ZNF282: variants seen among roughly 807,000 people sequenced by gnomAD.
The protein encoded by ZNF282 is zinc finger protein 282, also known as HTLV-I U5 repressive element-binding protein 1.
Under a neutral mutation model 61.9 loss-of-function variants are expected in ZNF282, and 30 were observed. The observed-to-expected ratio is 0.48, with a 90% confidence interval of 0.36 to 0.66. The LOEUF (loss-of-function observed/expected upper bound fraction) is 0.66, where lower values mean the gene tolerates loss of function less well. ZNF282 is among the 30% of genes least tolerant of loss of function. ZNF282 has a pLI of 0.00. For synonymous variants in ZNF282, 396 were observed against 405.0 expected (o/e 0.98, Z 0.27); for missense variants, 788 against 941.4 (o/e 0.84, Z 2.13).
chr7:149,222,115 A>T (rs957144546), intron 7 of ZNF282, among the ~76,000 whole-genome samples: 3 of 152,098 alleles, frequency 2.0e-5, no homozygotes, highest in Non-Finnish European at 4.4e-5. Context: ...GCCTGACGTC[A>T]CCATTCTGAT....
In ZNF282 at chr7:149,223,902, A is replaced by G; in HGVS notation, c.1271A>G (p.Gln424Arg). 1 of 1,391,356 alleles carries G rather than the reference A, an allele frequency of 7.2e-7. No homozygotes were observed. The highest frequency in any genetic ancestry group is 9.3e-7 in the Non-Finnish European group (1 of 1,076,742). The allele number at this position is 1,391,356 out of a possible 1,614,324, so 86.2% of individuals were successfully genotyped here. A position where few individuals can be genotyped will look rare whatever the true frequency, so the allele number is the denominator to read the frequency against. The change falls in exon 8 of 8, where the codon CAG becomes CGG. Residue 424 changes from glutamine to arginine, a missense_variant. By Grantham distance (43) the Gln-to-Arg change is conservative (BLOSUM62 1). This residue lies in a region of ZNF282 where 559 missense variants were observed against 642.0 expected (regional missense o/e 0.87). Transcript: ENST00000610704. ...PQPPQPQLQS[Q>R]PQPQSLPPIA... ...CCACCGCAGCCGCAGCTGCAGTCGCAGCCCCAGCCCCAGAGCCTGCCCCCC... is the reference window on the plus strand; with the variant it reads ...CCACCGCAGCCGCAGCTGCAGTCGCGGCCCCAGCCCCAGAGCCTGCCCCCC...
At chr7:149,201,403 C>T (rs1231671139) in intron 2 of ZNF282, among the ~76,000 whole-genome samples, 2 of 152,196 alleles carry the variant, frequency 1.3e-5, no homozygotes, top group Non-Finnish European at 2.9e-5. Flanking sequence ...TATCTCAACA[C>T]AGCAGCCAGA....
rs1353006447 is a variant in ZNF282, at chr7:149,224,056, C to T, written c.1425C>T (p.Gly475=). Residue 475 remains glycine, a synonymous_variant, in exon 8 of 8, where the codon GGC becomes GGT. Transcript: ENST00000610704. ...PPGGDRSTGG[G]GGDGGGGGGG... is the part of the protein sequence containing the mutation. ...GTGGGGACCGCAGCACCGGGGGCGG[C>T]GGGGGCGATGGGGGCGGTGGGGGCG... is the stretch of plus-strand genomic sequence containing the variant. 1.2e-5 allele frequency: 11 copies of T among 934,464 alleles called. No homozygotes were observed. Among genetic ancestry groups the T allele is most frequent in the Non-Finnish European group, 1.5e-5 (11 of 735,556 alleles). 57.9% of individuals were successfully genotyped at this position (934,464 alleles called of 1,614,324 possible).
At chr7:149,197,875 C>T (rs1323215966) in intron 1 of ZNF282, among the ~76,000 whole-genome samples, 1 of 152,234 alleles carries the variant, frequency 6.6e-6, no homozygotes, top group Non-Finnish European at 1.5e-5. Context: ...GTTTCATCAT[C>T]TTTAAGGCAG....
rs577852170 is a variant in ZNF282 at position 149,198,211 on chromosome 7, C to T, written c.166-122C>T. On this transcript the variant is annotated intron_variant, in intron 1 of 7. Transcript: ENST00000610704. This position sits in a 1 kb window ranked among gnomAD's most constrained non-coding sequence, Gnocchi z 4.3. ...GGGGGTGTTAGTGTATCCTGAGTTACGGGGGCCTGGCAGAAGAAAGACGAC... is the reference window on the plus strand; with the variant it reads ...GGGGGTGTTAGTGTATCCTGAGTTATGGGGGCCTGGCAGAAGAAAGACGAC... The T allele has an allele frequency of 2.7e-5, 32 of 1,195,450 alleles. No homozygotes were observed. In the African/African-American group the frequency reaches 4.1e-4, roughly 15 times the overall value. The allele number at this position is 1,195,450 out of a possible 1,614,324, so 74.1% of individuals were successfully genotyped here. A position where few individuals can be genotyped will look rare whatever the true frequency, so the allele number is the denominator to read the frequency against.
chr7:149,223,803 T>C lies in ZNF282; in HGVS notation c.1181-9T>C. The C allele has an allele frequency of 1.3e-6, 2 of 1,484,738 alleles. No homozygotes were observed. Among genetic ancestry groups the C allele is most frequent in the East Asian group, 2.8e-5 (1 of 36,270 alleles). The allele number at this position is 1,484,738 out of a possible 1,614,324, so 92.0% of individuals were successfully genotyped here. A position where few individuals can be genotyped will look rare whatever the true frequency, so the allele number is the denominator to read the frequency against. On this transcript the variant is annotated splice_polypyrimidine_tract_variant and intron_variant, in intron 7 of 7. Coordinates refer to ENST00000610704, the MANE Select transcript of ZNF282 (RefSeq NM_003575.4). The stretch of plus-strand genomic sequence containing the variant: ...CCTGTCAGCATGTCACTTCTTCCTA[T>C]CTCCCCAGGTGACAGCCTGCTGATG...
At chr7:149,221,092 G>GT (rs1456482399) in intron 7 of ZNF282, among the ~76,000 whole-genome samples, 1 of 152,064 alleles carries the variant, frequency 6.6e-6, no homozygotes, top group Non-Finnish European at 1.5e-5. Flanking sequence ...ATTTTTAAAT[G>GT]TTTTTTTGTA....
rs112323239 is a variant in ZNF282 at position 149,210,606 on chromosome 7, C to T, written c.854C>T (p.Ala285Val). 2.3e-5 allele frequency: 37 copies of T among 1,611,862 alleles called. 1 individual carries two copies. The highest frequency in any genetic ancestry group is 8.0e-5 in the African/African-American group (6 of 75,050). Residue 285 changes from alanine (A) to valine (V), a missense_variant, in exon 5 of 8, where the codon GCG becomes GTG. Coordinates refer to ENST00000610704, the MANE Select transcript of ZNF282 (RefSeq NM_003575.4). ...PEAGAEPLVP[A>V]QDASSQVKRE... is the part of the protein sequence containing the mutation. ...CCAGGAGCAGAGCCCCTGGTGCCTGCGCAGGATGCGTCCTCCCAGGTGAAG... is the reference window on the plus strand; with the variant it reads ...CCAGGAGCAGAGCCCCTGGTGCCTGTGCAGGATGCGTCCTCCCAGGTGAAG...
At chr7:149,210,458 C>A (rs1429537883) in intron 4 of ZNF282, 127 bp from the exon 5 acceptor site, 2 of 1,493,786 alleles carry the variant, frequency 1.3e-6, no homozygotes, top group Non-Finnish European at 1.8e-6. Flanking sequence ...CTTCTGAGCC[C>A]AGAATGTCCT....
chr7:149,210,284 T>C (rs1435382731), intron 4 of ZNF282, among the ~76,000 whole-genome samples: 2 of 152,160 alleles, frequency 1.3e-5, no homozygotes, highest in Non-Finnish European at 2.9e-5. Context: ...TTCTGAATTC[T>C]CTCTTCAGTG....
At chr7:149,218,110 A>G (rs928477891) in intron 7 of ZNF282, among the ~76,000 whole-genome samples, 3 of 151,108 alleles carry the variant, frequency 2.0e-5, no homozygotes, top group African/African-American at 7.4e-5. Flanking sequence ...CTCAGAAAAA[A>G]AAAAAAAAAA....
rs1292573417 is a variant in ZNF282, at chr7:149,198,659, G to A, written c.492G>A (p.Leu164=). 5 of 1,613,954 alleles carry A rather than the reference G, an allele frequency of 3.1e-6. No individual in the cohort carries two copies. In the African/African-American group the frequency reaches 6.7e-5, roughly 22 times the overall value. The change falls in exon 2 of 8, where the codon CTG becomes CTA. Residue 164 remains leucine (L), a synonymous_variant. Coordinates refer to ENST00000610704, the MANE Select transcript of ZNF282 (RefSeq NM_003575.4). This position sits in a 1 kb window ranked among gnomAD's most constrained non-coding sequence, Gnocchi z 4.3. The part of the protein sequence containing the change: ...LGTLLQEYGL[L]QRRLENLENL... ...CCCTGCTGCAGGAGTACGGGCTGCT[G>A]CAGAGGCGGCTGGAGAACTTGGAGA... is the stretch of plus-strand genomic sequence containing the variant.
rs1796098167 is a variant in ZNF282 at position 149,212,359 on chromosome 7, C to T, written c.954C>T (p.Asp318=). 6.2e-7 allele frequency: 1 copy of T among 1,607,660 alleles called. No individual in the cohort carries two copies. The highest frequency in any genetic ancestry group is 1.7e-5 in the Admixed American group (1 of 58,588). ...ERAIPTESIT[D]SPISAQDLLS... The stretch of plus-strand genomic sequence containing the variant: ...TGCCGCTCTTGTTCCCGCAAGTAGA[C>T]TCCCCAATTTCTGCCCAGGACCTCT... The change falls in exon 6 of 8, where the codon GAC becomes GAT. Residue 318 remains aspartate (D), a splice_region_variant and synonymous_variant. Transcript: ENST00000610704.
In ZNF282 at chr7:149,224,476, G is replaced by A; in HGVS notation, c.1845G>A (p.Gln615=). The A allele has an allele frequency of 6.2e-7, 1 of 1,613,638 alleles. No homozygotes were observed. Among genetic ancestry groups the A allele is most frequent in the Non-Finnish European group, 8.5e-7 (1 of 1,179,946 alleles). The part of the protein sequence containing the change: ...ALCGKSFIRK[Q]NLLKHQRIHT... ...GCGGCAAGAGCTTCATCCGCAAGCAGAACCTGCTCAAGCACCAGCGCATCC... is the reference window on the plus strand; with the variant it reads ...GCGGCAAGAGCTTCATCCGCAAGCAAAACCTGCTCAAGCACCAGCGCATCC... Residue 615 remains glutamine, a synonymous_variant, in exon 8 of 8, where the codon CAG becomes CAA. Transcript: ENST00000610704.
intron 7 of ZNF282, 64 bp downstream of exon 7, chr7:149,213,878 A>T: frequency 8.1e-7 from 1 of 1,227,866 alleles, no homozygotes; most frequent in Non-Finnish European, 1.2e-6. Flanking sequence ...TGAGGCGTGG[A>T]CGAAGGCTGG....
intron 1 of ZNF282, 63 bp downstream of exon 1, chr7:149,195,817 C>T: frequency 1.5e-6 from 2 of 1,290,804 alleles, no homozygotes; most frequent in African/African-American, 1.6e-5. Context: ...GGCTGGGCCG[C>T]GGGACCGGGC....
chr7:149,207,853 T>C (rs1796022532), intron 4 of ZNF282, among the ~76,000 whole-genome samples: 2 of 152,198 alleles, frequency 1.3e-5, no homozygotes, highest in Non-Finnish European at 2.9e-5. Flanking sequence ...CCGTCGCTTA[T>C]TGCTTGGCCT....
At chr7:149,199,368 C>A (rs1362766148) in intron 2 of ZNF282, among the ~76,000 whole-genome samples, 1 of 152,160 alleles carries the variant, frequency 6.6e-6, no homozygotes, top group Non-Finnish European at 1.5e-5. Flanking sequence ...ACAGACTCTG[C>A]TTTCCCTTGT....
At position 149,198,539 on chromosome 7, in the gene ZNF282, G is replaced by T; in HGVS notation, c.372G>T (p.Gly124=). The T allele has an allele frequency of 6.2e-7, 1 of 1,614,246 alleles. No individual in the cohort carries two copies. Among genetic ancestry groups the T allele is most frequent in the Non-Finnish European group, 8.5e-7 (1 of 1,180,048 alleles). ...AQASQLLNLE[G]RTGTAEKKLA... is the part of the protein sequence containing the mutation. ...CCAGCCAGCTGCTGAACCTGGAGGG[G>T]CGCACGGGGACAGCCGAGAAGAAGC... Residue 124 remains glycine (G), a synonymous_variant, in exon 2 of 8, where the codon GGG becomes GGT. Coordinates refer to ENST00000610704, the MANE Select transcript of ZNF282 (RefSeq NM_003575.4). This position sits in a 1 kb window ranked among gnomAD's most constrained non-coding sequence, Gnocchi z 4.3.
Sources: allele counts gnomAD v4.1 joint callset (sites outside exome capture counted in the v4.1 genomes callset), GRCh38; gene constraint gnomAD v4.1.1; regional missense constraint gnomAD v4.1.1; non-coding constraint Gnocchi (gnomAD v3.1); transcripts MANE v1.5; gene names NCBI Gene and HGNC (gene_info 2026-07-23, HGNC 2026-07-21).